The following DENND2B variants were observed in gnomAD, a reference collection of about 807,000 sequenced individuals.
DENND2B encodes DENN domain containing 2B.
A neutral mutation model predicts 116.0 loss-of-function variants in DENND2B; 32 were observed. The observed-to-expected ratio is 0.28, with a 90% confidence interval of 0.21 to 0.37. The LOEUF (loss-of-function observed/expected upper bound fraction) is 0.37, where lower values mean the gene tolerates loss of function less well. Ranked by LOEUF, DENND2B falls within the 10% of genes least tolerant of loss-of-function variation. The pLI, the probability that DENND2B is intolerant of heterozygous loss-of-function variation, is 1.00. For synonymous variants in DENND2B, 588 were observed against 583.9 expected, an observed-to-expected ratio of 1.01 and a Z score of -0.10; for missense variants, 1,276 against 1,477.7, an observed-to-expected ratio of 0.86 and a Z score of 2.24.
intron 1 of DENND2B, among the ~76,000 whole-genome samples, chr11:8,889,179 A>C (rs2063995715): frequency 6.6e-6 from 1 of 152,280 alleles, no homozygotes; most frequent in Non-Finnish European, 1.5e-5. Flanking sequence ...AGCAACAAAA[A>C]TGTCCATCAA....
chr11:8,779,672 C>T (rs1366006262), intron 1 of DENND2B, among the ~76,000 whole-genome samples: 1 of 152,058 alleles, frequency 6.6e-6, no homozygotes, highest in Non-Finnish European at 1.5e-5. Context: ...CACCACCACA[C>T]CGGCTAATAT....
At chr11:8,704,153 G>A (rs1592418490) in intron 13 of DENND2B, among the ~76,000 whole-genome samples, 1 of 152,222 alleles carries the variant, frequency 6.6e-6, no homozygotes, top group East Asian at 1.9e-4. Flanking sequence ...AGCCCAGGGG[G>A]CTGAAGGAGC....
chr11:8,837,750 T>C (rs774651418), intron 4 of DENND2B, among the ~76,000 whole-genome samples: 2 of 152,282 alleles, frequency 1.3e-5, no homozygotes, highest in East Asian at 3.9e-4. Context: ...AATTTGAACA[T>C]AGCCATGAAC....
chr11:8,797,434 C>CCCCCTTCTTA lies in DENND2B; in HGVS notation c.-26+13082_-26+13083insTAAGAAGGGG, dbSNP rs377099032. Among the ~76,000 whole-genome samples the CCCCCTTCTTA allele has an allele frequency of 8.9e-3, 1,127 of 126,446 alleles. 18 individuals are homozygous for CCCCCTTCTTA. Among genetic ancestry groups the CCCCCTTCTTA allele is most frequent in the African/African-American group, 0.029 (1,046 of 35,664 alleles). The allele number at this position is 126,446 out of a possible 152,430, so 83.0% of individuals were successfully genotyped here. On this transcript the variant is annotated intron_variant, in intron 1 of 19. Coordinates refer to ENST00000313726, the MANE Select transcript of DENND2B (RefSeq NM_213618.2). ...TGTTTCCTCATATTCTTATCCCCTT[C>CCCCCTTCTTA]CCCCTTCTTCCCCCTTCTTCCTCCT...
intron 4 of DENND2B, chr11:8,835,691 A>G (rs910797653): frequency 7.2e-5 from 11 of 152,184 alleles, no homozygotes; most frequent in African/African-American, 2.7e-4. Context: ...GCCAGGGAGG[A>G]CGCACTGGAT....
At chr11:8,759,676 T>C (rs563168436) in intron 1 of DENND2B, among the ~76,000 whole-genome samples, 1 of 152,332 alleles carries the variant, frequency 6.6e-6, no homozygotes, top group African/African-American at 2.4e-5. Context: ...GACAGTATAG[T>C]GACCCAACAG....
chr11:8,892,280 G>C (rs1420905225), intron 1 of DENND2B, among the ~76,000 whole-genome samples: 1 of 152,142 alleles, frequency 6.6e-6, no homozygotes, highest in Admixed American at 6.5e-5. Flanking sequence ...ATGCCCACAA[G>C]AGAAAGCAGG....
chr11:8,736,532 A>G (rs1459684209), intron 2 of DENND2B, among the ~76,000 whole-genome samples: 1 of 152,170 alleles, frequency 6.6e-6, no homozygotes, highest in Non-Finnish European at 1.5e-5. Flanking sequence ...AAAGAAGGGG[A>G]AAGGGATCAG....
At chr11:8,695,362 A>G (rs1192984840) in intron 19 of DENND2B, 101 bp downstream of exon 19, 2 of 1,111,762 alleles carry the variant, frequency 1.8e-6, no homozygotes, top group East Asian at 2.3e-5. Flanking sequence ...CAGCCCCAGT[A>G]TAACACCTGT....
chr11:8,897,510 G>A (rs2064117939), intron 1 of DENND2B, among the ~76,000 whole-genome samples: 1 of 152,186 alleles, frequency 6.6e-6, no homozygotes, highest in South Asian at 2.1e-4. Context: ...GATCTTGGTA[G>A]TAAATGATCA....
At chr11:8,721,061 C>T (rs1438730854) in intron 4 of DENND2B, among the ~76,000 whole-genome samples, 1 of 152,150 alleles carries the variant, frequency 6.6e-6, no homozygotes, top group Non-Finnish European at 1.5e-5. Flanking sequence ...TCCCTGAAGG[C>T]CTGGCCCTCA....
At chr11:8,862,938 A>G (rs2063447763) in intron 2 of DENND2B, among the ~76,000 whole-genome samples, 1 of 152,016 alleles carries the variant, frequency 6.6e-6, no homozygotes, top group Non-Finnish European at 1.5e-5. Flanking sequence ...TCTTGAACAA[A>G]CCTAACCTGA....
chr11:8,744,140 T>C (rs2050776681), intron 2 of DENND2B, among the ~76,000 whole-genome samples: 1 of 151,556 alleles, frequency 6.6e-6, no homozygotes, highest in Non-Finnish European at 1.5e-5. Flanking sequence ...AAGTTTTTTT[T>C]TTTTTTTTGG....
At chr11:8,804,763 T>C (rs2060693593) in intron 1 of DENND2B, among the ~76,000 whole-genome samples, 1 of 151,946 alleles carries the variant, frequency 6.6e-6, no homozygotes, top group Non-Finnish European at 1.5e-5. Flanking sequence ...CAGGCTGGTC[T>C]CAAACACCGA....
rs1370938884 is a variant in DENND2B, at chr11:8,730,876, C to G, written c.414G>C (p.Thr138=). 1 of 1,613,628 alleles carries G rather than the reference C, an allele frequency of 6.2e-7. No homozygotes were observed. Among genetic ancestry groups the G allele is most frequent in the Non-Finnish European group, 8.5e-7 (1 of 1,180,028 alleles). ...VAACLPLAQS[T]PFPGPAAGPR... ...GGCCAGCTGCTGGCCCCGGGAATGG[C>G]GTGCTCTGGGCAAGGGGGAGGCAGG... The change falls in exon 3 of 20, where the codon ACG becomes ACC. Residue 138 remains threonine (T), a synonymous_variant. Coordinates refer to ENST00000313726, the MANE Select transcript of DENND2B (RefSeq NM_213618.2). The surrounding 1 kb of genome is among the most constrained non-coding windows in gnomAD (Gnocchi z 4.1).
chr11:8,837,321 A>T (rs1216923087), intron 4 of DENND2B, among the ~76,000 whole-genome samples: 2 of 150,008 alleles, frequency 1.3e-5, no homozygotes, highest in Admixed American at 1.3e-4. Flanking sequence ...TCTCAGGAAC[A>T]CCAAGAGGAC....
At chr11:8,830,724 G>A (rs1332545534) in intron 4 of DENND2B, 1 of 152,160 alleles carries the variant, frequency 6.6e-6, no homozygotes, top group African/African-American at 2.4e-5. Flanking sequence ...CACCCACTCT[G>A]GTGGGGGAAA....
At chr11:8,753,644 T>C (rs1203546453) in intron 1 of DENND2B, among the ~76,000 whole-genome samples, 2 of 151,164 alleles carry the variant, frequency 1.3e-5, no homozygotes, top group Non-Finnish European at 3.0e-5. Flanking sequence ...AGACTCTGAG[T>C]TGCCAATTAA....
chr11:8,763,800 A>C (rs982173320), intron 1 of DENND2B, among the ~76,000 whole-genome samples: 1 of 152,004 alleles, frequency 6.6e-6, no homozygotes, highest in Non-Finnish European at 1.5e-5. Context: ...AGTTGTAAAA[A>C]TTTGTTGACT....
Sources: allele counts gnomAD v4.1 joint callset (sites outside exome capture counted in the v4.1 genomes callset), GRCh38; gene constraint gnomAD v4.1.1; non-coding constraint Gnocchi (gnomAD v3.1); transcripts MANE v1.5; gene names NCBI Gene and HGNC (gene_info 2026-07-23, HGNC 2026-07-21).